The following DNAH14 variants were observed in gnomAD, a reference collection of about 807,000 sequenced individuals.
DNAH14 encodes the protein dynein axonemal heavy chain 14.
Under a neutral mutation model 520.9 loss-of-function variants are expected in DNAH14, and 478 were observed. The ratio of observed to expected loss-of-function variants is 0.92; its 90% CI spans 0.85 to 0.99. The LOEUF is 0.99. DNAH14 is among the 50% of genes least tolerant of loss of function. DNAH14 has a pLI of 0.00. For missense variants in DNAH14, 4,831 were observed against 5,234.5 expected, an observed-to-expected ratio of 0.92 and a Z score of 2.38; for synonymous variants, 1,581 against 1,757.2, an observed-to-expected ratio of 0.90 and a Z score of 2.51.
At chr1:225,215,132 A>C (rs1420045428) in intron 41 of DNAH14, among the ~76,000 whole-genome samples, 1 of 152,104 alleles carries the variant, frequency 6.6e-6, no homozygotes, top group Non-Finnish European at 1.5e-5. Context: ...GGTTTCAAAG[A>C]ACATCTTTAT....
chr1:225,325,706 A>G (rs905495251), intron 64 of DNAH14, among the ~76,000 whole-genome samples: 1 of 152,182 alleles, frequency 6.6e-6, no homozygotes, highest in African/African-American at 2.4e-5. Flanking sequence ...GCAAACAGGC[A>G]AATTCAGTCC....
chr1:225,395,261 T>C (rs2095990640), intron 84 of DNAH14, among the ~76,000 whole-genome samples: 1 of 152,208 alleles, frequency 6.6e-6, no homozygotes, highest in Non-Finnish European at 1.5e-5. Context: ...TGTAATATTT[T>C]ATTCAAGATT....
At chr1:225,373,443 G>C (rs142107521) in intron 77 of DNAH14, among the ~76,000 whole-genome samples, 5,872 of 145,590 alleles carry the variant, frequency 0.04, 152 homozygotes, top group South Asian at 0.073. Context: ...CCAGCTGGGC[G>C]ACAGAGCAAG....
Position 225,290,657 on chromosome 1 carries a change from A to G in DNAH14, c.8469+575A>G, listed in dbSNP as rs113882036. On this transcript the variant is annotated intron_variant, in intron 55 of 85. Transcript: ENST00000682510. ...TGTGTGTGTGTGTGTGTATATATAT[A>G]TATATATATATATATATATATATAT... Among the ~76,000 whole-genome samples the G allele has an allele frequency of 3.7e-3, 217 of 58,556 alleles. 2 individuals are homozygous for G. Among genetic ancestry groups the G allele is most frequent in the African/African-American group, 0.01 (98 of 9,666 alleles). 38.4% of individuals were successfully genotyped at this position (58,556 alleles called of 152,430 possible).
intron 77 of DNAH14, among the ~76,000 whole-genome samples, chr1:225,374,266 A>ATTTTTT (rs1368553950): frequency 6.1e-5 from 2 of 32,944 alleles, no homozygotes; most frequent in African/African-American, 1.4e-4. Flanking sequence ...ATATATATAT[A>ATTTTTT]TATATTTTTT....
chr1:225,032,406 T>A (rs978093313), intron 11 of DNAH14, among the ~76,000 whole-genome samples: 5 of 152,146 alleles, frequency 3.3e-5, no homozygotes, highest in African/African-American at 1.2e-4. Flanking sequence ...GTAAAACACG[T>A]GATCTCATTC....
chr1:225,353,870 A>G lies in DNAH14; in HGVS notation c.11601A>G (p.Ser3867=). Residue 3867 remains serine (S), a synonymous_variant, in exon 73 of 86, where the codon TCA becomes TCG. Coordinates refer to ENST00000682510, the MANE Select transcript of DNAH14 (RefSeq NM_001367479.1). ...ATTTTCCCTGGGAGAAACTCACTTCATTTCAAAGACTTATTTTGGTAAGAT... is the reference window on the plus strand; with the variant it reads ...ATTTTCCCTGGGAGAAACTCACTTCGTTTCAAAGACTTATTTTGGTAAGAT... ...PINFPWEKLT[S]FQRLILVKVL... is the part of the protein sequence containing the mutation. The G allele has an allele frequency of 6.7e-7, 1 of 1,493,210 alleles. No homozygotes were observed. Among genetic ancestry groups the G allele is most frequent in the Non-Finnish European group, 9.1e-7 (1 of 1,100,320 alleles). 92.5% of individuals were successfully genotyped at this position (1,493,210 alleles called of 1,614,324 possible).
intron 37 of DNAH14, among the ~76,000 whole-genome samples, 170 bp downstream of exon 37, chr1:225,185,595 T>G (rs1393749073): frequency 6.6e-6 from 1 of 152,020 alleles, no homozygotes; most frequent in Non-Finnish European, 1.5e-5. Context: ...AATCTCAAAC[T>G]GATCATTACT....
chr1:225,085,497 G>T, intron 20 of DNAH14, 47 bp from the exon 21 acceptor site: 2 of 1,457,372 alleles, frequency 1.4e-6, no homozygotes, highest in South Asian at 2.8e-5. Flanking sequence ...GACATATCAG[G>T]AATTATTTGC....
At chr1:224,975,941 G>A (rs1192926465) in intron 8 of DNAH14, among the ~76,000 whole-genome samples, 3 of 151,838 alleles carry the variant, frequency 2.0e-5, no homozygotes, top group Non-Finnish European at 4.4e-5. Context: ...GTTCTCGTTG[G>A]TTTCAAAGAA....
intron 12 of DNAH14, 84 bp from the exon 13 acceptor site, chr1:225,042,751 T>C (rs2067595736): frequency 2.8e-6 from 4 of 1,409,368 alleles, no homozygotes; most frequent in Middle Eastern, 2.2e-4. Context: ...GATTTCTCAT[T>C]TAAAATTTTG....
At position 225,026,724 on chromosome 1, in the gene DNAH14, A is replaced by G. The variant is rs558324931; in HGVS notation, c.1358+2859A>G. ...TCTAACATTGCTCTTCTTTTTCAAC[A>G]TTGTTTTGGCTATTGTGGGTCCCTT... On this transcript the variant is annotated intron_variant, in intron 11 of 85. Transcript: ENST00000682510. Among the ~76,000 whole-genome samples, 3 of 152,214 alleles carry G rather than the reference A, an allele frequency of 2.0e-5. No homozygotes were observed. In the South Asian group the frequency reaches 6.2e-4, roughly 32 times the overall value.
intron 11 of DNAH14, among the ~76,000 whole-genome samples, chr1:225,038,300 G>A (rs2067152152): frequency 6.6e-6 from 1 of 152,064 alleles, no homozygotes; most frequent in African/African-American, 2.4e-5. Context: ...GTGTCACTCT[G>A]TCTTGATCTT....
chr1:225,229,755 T>A (rs2090917099), intron 41 of DNAH14, among the ~76,000 whole-genome samples: 1 of 146,110 alleles, frequency 6.8e-6, no homozygotes, highest in Non-Finnish European at 1.5e-5. Context: ...CATCATACAC[T>A]GGGGCCTGTC....
intron 21 of DNAH14, among the ~76,000 whole-genome samples, chr1:225,091,356 G>T (rs2074376310): frequency 1.3e-5 from 2 of 151,986 alleles, no homozygotes; most frequent in African/African-American, 2.4e-5. Context: ...CTCTACAAAG[G>T]AAACCCTATC....
At chr1:225,043,224 G>A in intron 13 of DNAH14, 110 bp downstream of exon 13, 1 of 818,200 alleles carries the variant, frequency 1.2e-6, no homozygotes, top group Non-Finnish European at 1.7e-6. Flanking sequence ...GATGCCAGAA[G>A]TTTGAGACCA....
intron 25 of DNAH14, 25 bp downstream of exon 25, chr1:225,118,024 T>G: frequency 1.4e-6 from 2 of 1,456,300 alleles, no homozygotes; most frequent in Non-Finnish European, 1.9e-6. Flanking sequence ...ACAAACTGTT[T>G]AGATTCTGTA....
At chr1:225,192,075 T>C (rs1399164027) in intron 37 of DNAH14, among the ~76,000 whole-genome samples, 1 of 152,098 alleles carries the variant, frequency 6.6e-6, no homozygotes, top group Non-Finnish European at 1.5e-5. Flanking sequence ...TGTGCATACA[T>C]CTTGATGCAT....
chr1:225,005,646 T>C (rs1033069189), intron 9 of DNAH14, among the ~76,000 whole-genome samples: 15 of 152,166 alleles, frequency 9.9e-5, no homozygotes, highest in Admixed American at 3.3e-4. Flanking sequence ...AGAGCAGTAC[T>C]TTTCAATCTT....
Sources: gnomAD v4.1 joint callset for allele counts (sites outside exome capture counted in the v4.1 genomes callset) on GRCh38, gnomAD v4.1.1 for gene constraint, MANE v1.5 for transcripts, NCBI Gene and HGNC (gene_info 2026-07-23, HGNC 2026-07-21) for gene names.